DCC: variants seen among roughly 807,000 people sequenced by gnomAD.
The protein encoded by DCC is DCC netrin 1 receptor.
A neutral mutation model predicts 172.5 loss-of-function variants in DCC; 58 were observed. The observed-to-expected ratio is 0.34, with a 90% CI of 0.27 to 0.42. The LOEUF is 0.42. DCC is among the 10% of genes least tolerant of loss of function. DCC has a pLI of 1.00. For synonymous variants in DCC, 709 were observed against 644.5 expected, an observed-to-expected ratio of 1.10 and a Z score of -1.52; for missense variants, 1,740 against 1,791.0, an observed-to-expected ratio of 0.97 and a Z score of 0.51.
chr18:53,320,062 CAA>C (rs34388837), intron 13 of DCC, among the ~76,000 whole-genome samples: 15,147 of 144,850 alleles, frequency 0.1, 841 homozygotes, highest in Middle Eastern at 0.2. Context: ...CTACATAACG[CAA>C]GAGTACTTTT....
At position 52,798,757 on chromosome 18, in the gene DCC, CTTT is replaced by C. The variant is rs201788408; in HGVS notation, c.412+46393_412+46395del. 8.7e-4 allele frequency among the ~76,000 whole-genome samples: 72 copies of C among 83,148 alleles called. No individual in the cohort carries two copies. The East Asian group carries it at 0.031, about 36-fold the overall frequency. 54.5% of individuals were successfully genotyped at this position (83,148 alleles called of 152,430 possible). Reference sequence around the variant, plus strand: ...AAACCATTCGTATGAAGTTTTGTATCTTTTTTTTTTTTAAGGTGGAGTTTTACT... The same window carrying C: ...AAACCATTCGTATGAAGTTTTGTATCTTTTTTTTTAAGGTGGAGTTTTACT... On this transcript the variant is annotated intron_variant, in intron 2 of 28. Transcript: ENST00000442544.
Position 52,906,178 on chromosome 18 carries a change from A to G in DCC, c.547A>G (p.Ile183Val), listed in dbSNP as rs1387614200. 1.9e-6 allele frequency: 3 copies of G among 1,613,954 alleles called. No individual in the cohort carries two copies. Among genetic ancestry groups the G allele is most frequent in the Non-Finnish European group, 2.5e-6 (3 of 1,180,022 alleles). The part of the protein sequence containing the change: ...WQKNQQDLTP[I>V]PGDSRVVVLP... ...GAAGAACCAACAAGACCTGACTCCA[A>G]TCCCAGGTGACTCCCGAGTGGTGGT... Residue 183 changes from isoleucine (I) to valine (V), a missense_variant, in exon 3 of 29, where the codon ATC becomes GTC. This residue lies in a region of DCC where 1,732 missense variants were observed against 1,767.4 expected (regional missense o/e 0.98). Transcript: ENST00000442544.
At chr18:53,369,243 A>G (rs1449828356) in intron 15 of DCC, among the ~76,000 whole-genome samples, 1 of 151,698 alleles carries the variant, frequency 6.6e-6, no homozygotes, top group Non-Finnish European at 1.5e-5. Context: ...GTTCATTGTT[A>G]TTTTATGGAA....
At position 52,644,317 on chromosome 18, in the gene DCC, G is replaced by A. The variant is rs186246148; in HGVS notation, c.92-107737G>A. On this transcript the variant is annotated intron_variant, in intron 1 of 28. Transcript: ENST00000442544. The stretch of plus-strand genomic sequence containing the variant: ...GTAGAGGCTGGGTGTGATGGCTCAC[G>A]CCTGTAATCCCAGCATTCTGGGAGG... Among the ~76,000 whole-genome samples the A allele has an allele frequency of 5.9e-3, 902 of 152,202 alleles. 3 individuals are homozygous for A. The highest frequency in any genetic ancestry group is 0.012 in the South Asian group (56 of 4,822).
intron 2 of DCC, among the ~76,000 whole-genome samples, chr18:52,793,345 G>C (rs776313025): frequency 6.6e-6 from 1 of 152,148 alleles, no homozygotes; most frequent in Non-Finnish European, 1.5e-5. Flanking sequence ...CTCCCAGCTT[G>C]CTTGTCTTTG....
chr18:53,506,890 G>A (rs978161696), intron 27 of DCC, among the ~76,000 whole-genome samples: 2 of 150,784 alleles, frequency 1.3e-5, no homozygotes, highest in Non-Finnish European at 2.9e-5. Flanking sequence ...GAGGAGTGTG[G>A]ATCAGTGGAA....
rs1420415114 is a variant in DCC at position 53,287,863 on chromosome 18, G to A, written c.1912-17715G>A. Among the ~76,000 whole-genome samples, 3 of 152,076 alleles carry A rather than the reference G, an allele frequency of 2.0e-5. No individual in the cohort carries two copies. The East Asian group carries it at 5.8e-4, about 29-fold the overall frequency. On this transcript the variant is annotated intron_variant, in intron 12 of 28. Transcript: ENST00000442544. Reference sequence around the variant, plus strand: ...GATAACAAAAGAGACTATTAAAAAAGTAGCCACTGCCTCAATCCATATTTT... The same window carrying A: ...GATAACAAAAGAGACTATTAAAAAAATAGCCACTGCCTCAATCCATATTTT...
At chr18:53,435,383 AC>A (rs1911876115) in intron 22 of DCC, among the ~76,000 whole-genome samples, 174 bp downstream of exon 22, 1 of 152,176 alleles carries the variant, frequency 6.6e-6, no homozygotes, top group African/African-American at 2.4e-5. Context: ...AACAAAAAAA[AC>A]AAAAAACTTC....
chr18:52,878,765 G>GT (rs2039438834), intron 2 of DCC, among the ~76,000 whole-genome samples: 1 of 152,188 alleles, frequency 6.6e-6, no homozygotes. Context: ...CTGGCACAGA[G>GT]TAGGTGTTCA....
At chr18:52,728,243 A>C (rs188634923) in intron 1 of DCC, among the ~76,000 whole-genome samples, 279 of 152,208 alleles carry the variant, frequency 1.8e-3, no homozygotes, top group African/African-American at 6.5e-3. Context: ...AGAGATAATA[A>C]GCTACTAAAA....
intron 2 of DCC, among the ~76,000 whole-genome samples, chr18:52,776,542 G>C (rs2145176319): frequency 6.6e-6 from 1 of 152,212 alleles, no homozygotes; most frequent in South Asian, 2.1e-4. Context: ...GGAGGGGAAG[G>C]ACGTTTACAA....
chr18:53,192,043 T>G (rs1005051271), intron 9 of DCC, among the ~76,000 whole-genome samples: 3 of 152,220 alleles, frequency 2.0e-5, no homozygotes, highest in African/African-American at 7.2e-5. Context: ...ACTTCTTATC[T>G]TTTGAATACT....
At position 52,990,406 on chromosome 18, in the gene DCC, G is replaced by T. The variant is rs1327272933; in HGVS notation, c.985+65036G>T. 7.9e-5 allele frequency among the ~76,000 whole-genome samples: 12 copies of T among 151,814 alleles called. No homozygotes were observed. The East Asian group carries it at 1.9e-3, about 25-fold the overall frequency. ...AAATACAAAGTCAGCCAGTTGTGGT[G>T]GTCCATGCCTGTAATCCCAGCTACT... On this transcript the variant is annotated intron_variant, in intron 5 of 28. Transcript: ENST00000442544.
intron 1 of DCC, among the ~76,000 whole-genome samples, chr18:52,439,562 G>A (rs1007253678): frequency 2.0e-5 from 3 of 152,104 alleles, no homozygotes; most frequent in Non-Finnish European, 4.4e-5. Flanking sequence ...AAGGATTGAG[G>A]TTGTGGGAGA....
At chr18:53,527,010 C>A in intron 28 of DCC, 1 of 497,134 alleles carries the variant, frequency 2.0e-6, no homozygotes, top group Non-Finnish European at 3.7e-6. Flanking sequence ...AGAAATATGA[C>A]CAGATAGCTA....
intron 14 of DCC, among the ~76,000 whole-genome samples, chr18:53,329,634 G>C (rs1402767259): frequency 6.6e-6 from 1 of 151,956 alleles, no homozygotes; most frequent in Non-Finnish European, 1.5e-5. Context: ...ATATGTTCCT[G>C]GATGAAAAAA....
intron 12 of DCC, among the ~76,000 whole-genome samples, chr18:53,300,994 T>TTCTTTCCTTTCTTTCTTTCTTTCTTTTC (rs1555649245): frequency 3.0e-5 from 4 of 134,606 alleles, no homozygotes; most frequent in African/African-American, 5.7e-5. Context: ...TCTTTCTTTT[T>TTCTTTCCTTTCTTTCTTTCTTTCTTTTC]TTTTCTTTTC....
chr18:52,441,000 G>T (rs1236701650), intron 1 of DCC, among the ~76,000 whole-genome samples: 1 of 152,206 alleles, frequency 6.6e-6, no homozygotes. Context: ...GCTATCTGGG[G>T]AGTCACTTGA....
At chr18:52,551,870 G>T (rs778104354) in intron 1 of DCC, among the ~76,000 whole-genome samples, 64 of 152,056 alleles carry the variant, frequency 4.2e-4, no homozygotes, top group Non-Finnish European at 1.2e-4. Flanking sequence ...CCCATGAGCA[G>T]CATTGTCTAT....
Sources: allele counts gnomAD v4.1 joint callset (sites outside exome capture counted in the v4.1 genomes callset), GRCh38; gene constraint gnomAD v4.1.1; regional missense constraint gnomAD v4.1.1; transcripts MANE v1.5; gene names NCBI Gene and HGNC (gene_info 2026-07-23, HGNC 2026-07-21).